TMEM151B: variants seen among roughly 807,000 people sequenced by gnomAD.
The protein encoded by TMEM151B is transmembrane protein 193.
TMEM151B carries 18 observed loss-of-function variants against 33.0 expected under a neutral mutation model. That is an observed-to-expected ratio of 0.55 (90% confidence interval 0.38 to 0.81). The LOEUF (loss-of-function observed/expected upper bound fraction) is 0.81. TMEM151B is among the 30% of genes least tolerant of loss of function. TMEM151B has a pLI of 0.00. For synonymous variants in TMEM151B, 354 were observed against 373.6 expected (o/e 0.95, Z 0.61); for missense variants, 672 against 843.4 (o/e 0.80, Z 2.52).
Position 44,276,017 on chromosome 6 carries a change from G to A in TMEM151B, c.1191G>A (p.Gly397=). The A allele has an allele frequency of 7.4e-7, 1 of 1,356,566 alleles. No homozygotes were observed. The highest frequency in any genetic ancestry group is 9.5e-7 in the Non-Finnish European group (1 of 1,056,090). 84.0% of individuals were successfully genotyped at this position (1,356,566 alleles called of 1,614,324 possible). A position where few individuals can be genotyped will look rare whatever the true frequency, so the allele number is the denominator to read the frequency against. Residue 397 remains glycine, a synonymous_variant, in exon 3 of 3, where the codon GGG becomes GGA. Coordinates refer to ENST00000451188, the MANE Select transcript of TMEM151B (RefSeq NM_001137560.2). ...YSEAVLMDLA[G]LGTRCGGAGG... ...AGGCGGTGCTCATGGACCTGGCGGG[G>A]CTCGGGACGCGCTGCGGCGGGGCAG...
In TMEM151B at chr6:44,276,026, G is replaced by A. The variant is rs1782572451; in HGVS notation, c.1200G>A (p.Thr400=). 17 of 1,353,800 alleles carry A rather than the reference G, an allele frequency of 1.3e-5. No homozygotes were observed. The highest frequency in any genetic ancestry group is 1.6e-5 in the Non-Finnish European group (17 of 1,055,618). The allele number at this position is 1,353,800 out of a possible 1,614,324, so 83.9% of individuals were successfully genotyped here. The change falls in exon 3 of 3, where the codon ACG becomes ACA. Residue 400 remains threonine, a synonymous_variant. Transcript: ENST00000451188. ...AVLMDLAGLG[T]RCGGAGGGYA... is the part of the protein sequence containing the mutation. The stretch of plus-strand genomic sequence containing the variant: ...TCATGGACCTGGCGGGGCTCGGGAC[G>A]CGCTGCGGCGGGGCAGGCGGCGGCT...
At chr6:44,274,782 A>C (rs1020405331) in intron 2 of TMEM151B, among the ~76,000 whole-genome samples, 6 of 152,334 alleles carry the variant, frequency 3.9e-5, no homozygotes, top group South Asian at 2.1e-4. Context: ...GGGGCAGTTC[A>C]TGGCCAGGGC....
rs1442057962 is a variant in TMEM151B at position 44,275,590 on chromosome 6, G to C, written c.764G>C (p.Arg255Pro). The C allele has an allele frequency of 6.4e-7, 1 of 1,550,840 alleles. No individual in the cohort carries two copies. Among genetic ancestry groups the C allele is most frequent in the East Asian group, 2.4e-5 (1 of 40,896 alleles). Residue 255 changes from arginine (R) to proline (P), a missense_variant, in exon 3 of 3, where the codon CGC becomes CCC. Physicochemically the swap from Arg to Pro is moderately radical, Grantham distance 103. Transcript: ENST00000451188. The part of the protein sequence containing the change: ...AENAYLCQRA[R>P]FFAENEGLDD... ...AACGCGTACCTGTGCCAGCGCGCGC[G>C]CTTCTTCGCAGAGAACGAGGGCCTA...
At chr6:44,275,099 C>T in intron 2 of TMEM151B, among the ~76,000 whole-genome samples, 1 of 124,796 alleles carries the variant, frequency 8.0e-6, no homozygotes, top group Admixed American at 9.5e-5. Context: ...GCCTGGGCGA[C>T]AGAGCCAGAC....
intron 1 of TMEM151B, among the ~76,000 whole-genome samples, chr6:44,271,094 C>A (rs1189218350): frequency 6.6e-6 from 1 of 151,112 alleles, no homozygotes; most frequent in Non-Finnish European, 1.5e-5. Context: ...GCTCAGGGGT[C>A]CCGGGCAGGG....
In TMEM151B at chr6:44,276,457, A is replaced by G; in HGVS notation, c.1631A>G (p.Gln544Arg). ...LYFPVLIVHR[Q>R]EGCLGHSHRP... Reference sequence around the variant, plus strand: ...TTTCCGGTCCTCATCGTCCACCGGCAGGAGGGGTGTCTGGGCCACAGCCAC... The same window carrying G: ...TTTCCGGTCCTCATCGTCCACCGGCGGGAGGGGTGTCTGGGCCACAGCCAC... The change falls in exon 3 of 3, where the codon CAG becomes CGG. Residue 544 changes from glutamine to arginine, a missense_variant. Gln to Arg is a conservative substitution (Grantham distance 43). Around this residue, in one of 3 missense-constraint regions of TMEM151B, gnomAD observed 324 missense variants for 363.1 expected, o/e 0.89. Coordinates refer to ENST00000451188, the MANE Select transcript of TMEM151B (RefSeq NM_001137560.2). The G allele has an allele frequency of 6.7e-7, 1 of 1,487,028 alleles. No individual in the cohort carries two copies. Among genetic ancestry groups the G allele is most frequent in the Non-Finnish European group, 8.9e-7 (1 of 1,119,860 alleles). 92.1% of individuals were successfully genotyped at this position (1,487,028 alleles called of 1,614,324 possible).
In TMEM151B at chr6:44,276,733, G is replaced by C; in HGVS notation, c.*206G>C. 1 of 1,102,506 alleles carries C rather than the reference G, an allele frequency of 9.1e-7. No homozygotes were observed. Among genetic ancestry groups the C allele is most frequent in the Non-Finnish European group, 1.1e-6 (1 of 870,714 alleles). 68.3% of individuals were successfully genotyped at this position (1,102,506 alleles called of 1,614,324 possible). A position where few individuals can be genotyped will look rare whatever the true frequency, so the allele number is the denominator to read the frequency against. On this transcript the variant is annotated 3_prime_UTR_variant, in exon 3 of 3. Coordinates refer to ENST00000451188, the MANE Select transcript of TMEM151B (RefSeq NM_001137560.2). The stretch of plus-strand genomic sequence containing the variant: ...AGAGACCGATGGGTGGGAGGGGGTC[G>C]GCTGCTCCCCGAGATCCCCCTGGCA...
Position 44,276,412 on chromosome 6 carries a change from C to T in TMEM151B, c.1586C>T (p.Pro529Leu). The change falls in exon 3 of 3, where the codon CCC becomes CTC. Residue 529 changes from proline (P) to leucine (L), a missense_variant. Transcript: ENST00000451188. ...GAGGAGGAGGCCGGGCCGCCGCCGC[C>T]CTACCACGACGCCCTCTACTTTCCG... is the stretch of plus-strand genomic sequence containing the variant. The part of the protein sequence containing the change: ...DDEEEAGPPP[P>L]YHDALYFPVL... The T allele has an allele frequency of 6.6e-7, 1 of 1,512,982 alleles. No individual in the cohort carries two copies. The highest frequency in any genetic ancestry group is 8.8e-7 in the Non-Finnish European group (1 of 1,135,906). The allele number at this position is 1,512,982 out of a possible 1,614,324, so 93.7% of individuals were successfully genotyped here.
chr6:44,276,641 G>A lies in TMEM151B; in HGVS notation c.*114G>A. On this transcript the variant is annotated 3_prime_UTR_variant, in exon 3 of 3. Transcript: ENST00000451188. ...TGACTGAGGCCGCGCGGGGGGCAGG[G>A]AAAGGGAGGTGAGGGCCGCAAGACA... is the stretch of plus-strand genomic sequence containing the variant. 1 of 1,284,922 alleles carries A rather than the reference G, an allele frequency of 7.8e-7. No homozygotes were observed. The highest frequency in any genetic ancestry group is 9.8e-7 in the Non-Finnish European group (1 of 1,016,666). The allele number at this position is 1,284,922 out of a possible 1,614,324, so 79.6% of individuals were successfully genotyped here.
chr6:44,275,865 G>GGCATCA lies in TMEM151B; in HGVS notation c.1041_1042insATCAGC (p.Gly347_Leu348insIleSer). 1.3e-6 allele frequency: 2 copies of GGCATCA among 1,541,718 alleles called. No individual in the cohort carries two copies. The highest frequency in any genetic ancestry group is 1.7e-6 in the Non-Finnish European group (2 of 1,145,384). ...GGGCTCGGCCAGCAGCGCAGGCGGT[G>GGCATCA]GCCTCAGCCCCAGCGATGAGCTGCT... On this transcript the variant is annotated inframe_insertion, in exon 3 of 3. Coordinates refer to ENST00000451188, the MANE Select transcript of TMEM151B (RefSeq NM_001137560.2).
In TMEM151B at chr6:44,277,791, C is replaced by G. The variant is rs773974892; in HGVS notation, c.*1264C>G. The G allele has an allele frequency of 5.4e-4, 83 of 152,398 alleles. No individual in the cohort carries two copies. Among genetic ancestry groups the G allele is most frequent in the Non-Finnish European group, 7.2e-4 (49 of 68,094 alleles). The allele number at this position is 152,398 out of a possible 1,614,324, so 9.4% of individuals were successfully genotyped here. ...GCAGGGTCTTCAAAGGGGCATCCTG[C>G]CACCACCCCAGGGCGCTGGCCCCAC... On this transcript the variant is annotated 3_prime_UTR_variant, in exon 3 of 3. Transcript: ENST00000451188.
Position 44,270,726 on chromosome 6 carries a change from C to T in TMEM151B, c.-17C>T, listed in dbSNP as rs1782290372. ...GCCCCCCGGGAGGTCCTGAGCTCGACGCGCCCCCTCTACGCCATGTCCCCC... is the reference window on the plus strand; with the variant it reads ...GCCCCCCGGGAGGTCCTGAGCTCGATGCGCCCCCTCTACGCCATGTCCCCC... On this transcript the variant is annotated 5_prime_UTR_variant, in exon 1 of 3. It adds an upstream start codon to the 5' untranslated region. Transcript: ENST00000451188. The T allele has an allele frequency of 9.4e-7, 1 of 1,064,492 alleles. No individual in the cohort carries two copies. Among genetic ancestry groups the T allele is most frequent in the Non-Finnish European group, 1.2e-6 (1 of 866,174 alleles). 65.9% of individuals were successfully genotyped at this position (1,064,492 alleles called of 1,614,324 possible).
chr6:44,279,334 C>T lies in TMEM151B; in HGVS notation c.*2807C>T. 1 of 152,572 alleles carries T rather than the reference C, an allele frequency of 6.6e-6. No individual in the cohort carries two copies. The highest frequency in any genetic ancestry group is 1.5e-5 in the Non-Finnish European group (1 of 68,144). 9.5% of individuals were successfully genotyped at this position (152,572 alleles called of 1,614,324 possible). On this transcript the variant is annotated 3_prime_UTR_variant, in exon 3 of 3. Transcript: ENST00000451188. ...GGGCTGGGCCTGGCTGGGGAGAAGA[C>T]AGGTCTCTGTCAATTGGGTGCATCA...
Position 44,276,552 on chromosome 6 carries a change from C to T in TMEM151B, c.*25C>T, listed in dbSNP as rs772031069. ...ACCTCCGGCCCCGGAGTGGCCCGCG[C>T]CGTCCTCCCGCCTGCCCCTCGCCGG... On this transcript the variant is annotated 3_prime_UTR_variant, in exon 3 of 3. Transcript: ENST00000451188. 2.3e-6 allele frequency: 3 copies of T among 1,332,370 alleles called. No homozygotes were observed. The highest frequency in any genetic ancestry group is 3.7e-5 in the South Asian group (2 of 54,414). 82.5% of individuals were successfully genotyped at this position (1,332,370 alleles called of 1,614,324 possible).
chr6:44,272,434 C>G, intron 1 of TMEM151B, among the ~76,000 whole-genome samples: 1 of 152,114 alleles, frequency 6.6e-6, no homozygotes, highest in East Asian at 1.9e-4. Flanking sequence ...CTGGGGTTCT[C>G]TGGAGGCCCT....
chr6:44,272,595 C>A (rs979251782), intron 1 of TMEM151B, among the ~76,000 whole-genome samples: 3 of 152,156 alleles, frequency 2.0e-5, no homozygotes, highest in Admixed American at 1.3e-4. Context: ...GTCCCTCCCC[C>A]TTTTCTAGAG....
At position 44,273,330 on chromosome 6, in the gene TMEM151B, T is replaced by C; in HGVS notation, c.400T>C (p.Cys134Arg). The C allele has an allele frequency of 6.4e-7, 1 of 1,551,562 alleles. No homozygotes were observed. Residue 134 changes from cysteine to arginine, a missense_variant, in exon 2 of 3, where the codon TGC becomes CGC. Cys to Arg is a radical substitution (Grantham distance 180). Around this residue, in one of 3 missense-constraint regions of TMEM151B, gnomAD observed 285 missense variants for 423.1 expected, o/e 0.67. Transcript: ENST00000451188. ...YAVYLVECWH[C>R]QARHELQHRV... ...CGTCTACCTGGTGGAGTGTTGGCAC[T>C]GCCAAGCCCGCCATGAGCTGCAGCA... is the stretch of plus-strand genomic sequence containing the variant.
rs1782606190 is a variant in TMEM151B, at chr6:44,276,720, G to A, written c.*193G>A. On this transcript the variant is annotated 3_prime_UTR_variant, in exon 3 of 3. Transcript: ENST00000451188. ...TCCCTGTACATAAAGAGACCGATGG[G>A]TGGGAGGGGGTCGGCTGCTCCCCGA... 1 of 1,167,304 alleles carries A rather than the reference G, an allele frequency of 8.6e-7. No homozygotes were observed. The highest frequency in any genetic ancestry group is 1.6e-5 in the African/African-American group (1 of 63,068). 72.3% of individuals were successfully genotyped at this position (1,167,304 alleles called of 1,614,324 possible).
chr6:44,272,643 T>C (rs1782410543), intron 1 of TMEM151B, among the ~76,000 whole-genome samples: 1 of 152,166 alleles, frequency 6.6e-6, no homozygotes, highest in Non-Finnish European at 1.5e-5. Flanking sequence ...CTTCCTTCGC[T>C]GATGCCTGTC....
Sources: gnomAD v4.1 joint callset for allele counts (sites outside exome capture counted in the v4.1 genomes callset) on GRCh38, gnomAD v4.1.1 for gene constraint, gnomAD v4.1.1 regional missense constraint, MANE v1.5 for transcripts, NCBI Gene and HGNC (gene_info 2026-07-23, HGNC 2026-07-21) for gene names.